The following APPL2 variants were observed in gnomAD, a reference collection of about 807,000 sequenced individuals.
The protein encoded by APPL2 is DCC-interacting protein 13-beta.
APPL2 carries 84 observed loss-of-function variants against 92.7 expected under a neutral mutation model. The observed-to-expected ratio is 0.91, with a 90% CI of 0.76 to 1.09. The LOEUF is 1.09. APPL2 is among the 50% of genes least tolerant of loss of function. APPL2 has a pLI of 0.00. For synonymous variants in APPL2, 291 were observed against 291.0 expected, an observed-to-expected ratio of 1.00 and a Z score of 0.00; for missense variants, 736 against 824.5, an observed-to-expected ratio of 0.89 and a Z score of 1.31.
At chr12:105,217,529 G>T in intron 3 of APPL2, 137 bp downstream of exon 3, 2 of 777,680 alleles carry the variant, frequency 2.6e-6, no homozygotes, top group Non-Finnish European at 4.1e-6. Context: ...TACATCAGTG[G>T]AAGGGAAAAG....
intron 20 of APPL2, 105 bp downstream of exon 20, chr12:105,175,930 C>T: frequency 1.7e-6 from 2 of 1,170,188 alleles, no homozygotes; most frequent in Non-Finnish European, 1.2e-6. Flanking sequence ...CCAAACTTGG[C>T]CACACTTTCC....
chr12:105,189,493 T>C (rs1887011042), intron 16 of APPL2, among the ~76,000 whole-genome samples: 2 of 152,250 alleles, frequency 1.3e-5, no homozygotes, highest in African/African-American at 4.8e-5. Context: ...AAGACTGCAT[T>C]TGAATGTGAT....
chr12:105,231,827 T>C (rs538699181), intron 1 of APPL2, among the ~76,000 whole-genome samples: 2 of 152,348 alleles, frequency 1.3e-5, no homozygotes, highest in African/African-American at 4.8e-5. Flanking sequence ...TTGGCAGTGA[T>C]CACCTCTGGA....
chr12:105,205,852 C>A (rs1888654526), intron 8 of APPL2, among the ~76,000 whole-genome samples: 1 of 152,200 alleles, frequency 6.6e-6, no homozygotes, highest in Non-Finnish European at 1.5e-5. Context: ...GCACAAGTGC[C>A]CATCATAAGC....
At chr12:105,220,614 C>T (rs1436255475) in intron 2 of APPL2, among the ~76,000 whole-genome samples, 1 of 152,194 alleles carries the variant, frequency 6.6e-6, no homozygotes, top group Non-Finnish European at 1.5e-5. Context: ...CCTTCAGAGA[C>T]TGGTCAACAC....
intron 17 of APPL2, among the ~76,000 whole-genome samples, chr12:105,178,490 C>G (rs1269149501): frequency 6.6e-6 from 1 of 152,116 alleles, no homozygotes; most frequent in Admixed American, 6.5e-5. Context: ...TACTAGAAAC[C>G]ACTGAATTGT....
chr12:105,208,282 A>C, intron 5 of APPL2, 83 bp from the exon 6 acceptor site: 1 of 1,532,732 alleles, frequency 6.5e-7, no homozygotes, highest in Non-Finnish European at 9.0e-7. Context: ...CCCTGAAAAT[A>C]AGAGAATATG....
At chr12:105,182,829 T>C (rs1055036871) in intron 17 of APPL2, among the ~76,000 whole-genome samples, 8 of 152,194 alleles carry the variant, frequency 5.3e-5, no homozygotes, top group African/African-American at 1.9e-4. Context: ...TTCTGTCTTG[T>C]TGATCTAATA....
At chr12:105,235,738 C>T (rs1891186030) in intron 1 of APPL2, among the ~76,000 whole-genome samples, 1 of 152,106 alleles carries the variant, frequency 6.6e-6, no homozygotes, top group South Asian at 2.1e-4. Flanking sequence ...AGACTCCGGC[C>T]GCGGGGCTCT....
Position 105,228,578 on chromosome 12 carries a change from C to T in APPL2, c.153+547G>A, listed in dbSNP as rs146020153. On this transcript the variant is annotated intron_variant, in intron 2 of 20. Transcript: ENST00000258530. The stretch of plus-strand genomic sequence containing the variant: ...AAATCTTCTCTTAGAAAGCAACATA[C>T]ATGGGCACTTCTTGACATTAAAAAG... Among the ~76,000 whole-genome samples, 16 of 152,348 alleles carry T rather than the reference C, an allele frequency of 1.1e-4. No homozygotes were observed. In the East Asian group the frequency reaches 2.5e-3, roughly 24 times the overall value.
intron 9 of APPL2, among the ~76,000 whole-genome samples, chr12:105,203,038 C>G (rs374737855): frequency 1.6e-5 from 1 of 61,572 alleles, no homozygotes; most frequent in South Asian, 7.3e-4. Context: ...CACACACACA[C>G]ACACACACAC....
chr12:105,224,901 T>C (rs1890377711), intron 2 of APPL2, among the ~76,000 whole-genome samples: 1 of 152,184 alleles, frequency 6.6e-6, no homozygotes, highest in Non-Finnish European at 1.5e-5. Context: ...TACCAAATTA[T>C]GCATACTTTA....
At chr12:105,229,708 G>A in intron 1 of APPL2, 2 of 986,802 alleles carry the variant, frequency 2.0e-6, no homozygotes, top group Non-Finnish European at 2.4e-6. Context: ...AATCTTGGAT[G>A]TCTTGCAGGA....
At chr12:105,229,874 G>T in intron 1 of APPL2, 1 of 550,110 alleles carries the variant, frequency 1.8e-6, no homozygotes, top group Non-Finnish European at 2.3e-6. Context: ...TGCTTCCCGG[G>T]CTCAAGGGAT....
intron 20 of APPL2, 78 bp downstream of exon 20, chr12:105,175,957 C>CT: frequency 7.3e-7 from 1 of 1,374,444 alleles, no homozygotes; most frequent in Non-Finnish European, 9.8e-7. Flanking sequence ...CATCACTTTT[C>CT]TTTTTGAAAA....
intron 17 of APPL2, among the ~76,000 whole-genome samples, chr12:105,186,667 T>TATATATGATATCGATATCATATATATC (rs1886709583): frequency 3.0e-5 from 1 of 33,122 alleles, no homozygotes; most frequent in African/African-American, 6.6e-5. Flanking sequence ...ATATATATCA[T>TATATATGATATCGATATCATATATATC]ATATATGATA....
At chr12:105,232,435 T>C (rs1890992135) in intron 1 of APPL2, among the ~76,000 whole-genome samples, 3 of 152,178 alleles carry the variant, frequency 2.0e-5, no homozygotes, top group Admixed American at 2.0e-4. Context: ...CACTGACTAC[T>C]GAGAAAATTT....
chr12:105,221,631 A>G (rs1256711732), intron 2 of APPL2, among the ~76,000 whole-genome samples: 1 of 152,218 alleles, frequency 6.6e-6, no homozygotes, highest in Non-Finnish European at 1.5e-5. Context: ...GACGTGGGCT[A>G]AAGTGGGAAT....
rs1885189227 is a variant in APPL2 at position 105,173,574 on chromosome 12, G to A, written c.*740C>T. On this transcript the variant is annotated 3_prime_UTR_variant, in exon 21 of 21. Coordinates refer to ENST00000258530, the MANE Select transcript of APPL2 (RefSeq NM_018171.5). ...AGAGGGTCTGGCTCAGAAGAAACAG[G>A]AACTGGTAGAGCTGCACCCTGTCCA... The A allele has an allele frequency of 6.6e-6, 1 of 152,604 alleles. No individual in the cohort carries two copies. The highest frequency in any genetic ancestry group is 2.4e-5 in the African/African-American group (1 of 41,432). The allele number at this position is 152,604 out of a possible 1,614,324, so 9.5% of individuals were successfully genotyped here.
Sources: gnomAD v4.1 joint callset for allele counts (sites outside exome capture counted in the v4.1 genomes callset) on GRCh38, gnomAD v4.1.1 for gene constraint, MANE v1.5 for transcripts, NCBI Gene and HGNC (gene_info 2026-07-23, HGNC 2026-07-21) for gene names.